Variants in HYAL4 observed in about 807,000 individuals in gnomAD.
HYAL4 encodes hyaluronidase 4.
In HYAL4, 37 loss-of-function variants were observed where a neutral mutation model predicts 35.2. That is an observed-to-expected ratio of 1.05 (90% confidence interval 0.81 to 1.38). The LOEUF is 1.38. HYAL4 is among the 40% of genes most tolerant of loss of function. The pLI, the probability that HYAL4 is intolerant of heterozygous loss-of-function variation, is 0.00. For missense variants in HYAL4, 572 were observed against 572.4 expected (o/e 1.00, Z 0.01); for synonymous variants, 198 against 203.2 (o/e 0.97, Z 0.22).
At position 123,838,026 on chromosome 7, in the gene HYAL4, A is replaced by C. The variant is rs562801308; in HGVS notation, c.-256-6219A>C. Among the ~76,000 whole-genome samples, 10 of 152,258 alleles carry C rather than the reference A, an allele frequency of 6.6e-5. No homozygotes were observed. The South Asian group carries it at 2.1e-3, about 32-fold the overall frequency. On this transcript the variant is annotated intron_variant, in intron 1 of 4. Coordinates refer to the HYAL4 transcript ENST00000489978. ...CAGCATGATTTATAATCCTTTGGGTATACACCCAGTAATGGGATTGCTGGG... is the reference window on the plus strand; with the variant it reads ...CAGCATGATTTATAATCCTTTGGGTCTACACCCAGTAATGGGATTGCTGGG...
At chr7:123,844,680 G>A (rs1039144150), upstream of HYAL4, among the ~76,000 whole-genome samples, 1 of 152,162 alleles carries the variant, frequency 6.6e-6, no homozygotes, top group African/African-American at 2.4e-5. Flanking sequence ...GCTGTGGTGG[G>A]CTCCACCCAG....
chr7:123,864,734 GA>G (rs1806648177), intron 2 of HYAL4, among the ~76,000 whole-genome samples: 1 of 151,538 alleles, frequency 6.6e-6, no homozygotes, highest in African/African-American at 2.4e-5. Flanking sequence ...AAGGACAAGA[GA>G]AACAGAGATT....
chr7:123,830,009 A>G lies in HYAL4; in HGVS notation c.-257+885A>G, dbSNP rs552619237. On this transcript the variant is annotated intron_variant, in intron 1 of 4. Coordinates refer to the HYAL4 transcript ENST00000489978. ...TCTTGAAGGCAGGAGCAGGTCACAA[A>G]TAGATCCGAGGAAATGCATTCTTGG... Among the ~76,000 whole-genome samples the G allele has an allele frequency of 3.3e-5, 5 of 152,316 alleles. No homozygotes were observed. The East Asian group carries it at 9.6e-4, about 29-fold the overall frequency.
chr7:123,775,651 GC>G, the HYAL4 span, among the ~76,000 whole-genome samples: 1 of 152,078 alleles, frequency 6.6e-6, no homozygotes, highest in Admixed American at 6.5e-5. Flanking sequence ...ACTTGATGTA[GC>G]CTTCTTCATT....
the HYAL4 span, among the ~76,000 whole-genome samples, chr7:123,816,257 G>A: frequency 1.3e-5 from 2 of 152,172 alleles, no homozygotes; most frequent in Admixed American, 1.3e-4. Context: ...GTGCAACATA[G>A]AATACAGCAA....
the HYAL4 span, among the ~76,000 whole-genome samples, chr7:123,764,316 T>C: frequency 6.6e-6 from 1 of 152,182 alleles, no homozygotes; most frequent in Non-Finnish European, 1.5e-5. Flanking sequence ...CAAGAAGCCT[T>C]CTCTGAATTT....
chr7:123,778,660 A>G, the HYAL4 span, among the ~76,000 whole-genome samples: 16 of 152,236 alleles, frequency 1.1e-4, no homozygotes, highest in Middle Eastern at 3.4e-3. Flanking sequence ...CGGGCGCCAC[A>G]TCAAGAGCAC....
At chr7:123,763,721 G>C in the HYAL4 span, among the ~76,000 whole-genome samples, 1 of 152,234 alleles carries the variant, frequency 6.6e-6, no homozygotes. Context: ...CTGCCAGCAT[G>C]CTGTCACCTC....
At chr7:123,841,508 G>A (rs1806058553), upstream of HYAL4, among the ~76,000 whole-genome samples, 3 of 151,992 alleles carry the variant, frequency 2.0e-5, no homozygotes, top group Admixed American at 2.0e-4. Context: ...TGGCCTCATA[G>A]AATGAGTTAG....
chr7:123,795,620 A>AGGAT, the HYAL4 span, among the ~76,000 whole-genome samples: 1 of 152,208 alleles, frequency 6.6e-6, no homozygotes, highest in African/African-American at 2.4e-5. Flanking sequence ...CCTGTGAAGA[A>AGGAT]GGATGTGTTT....
chr7:123,876,817 A>C lies in HYAL4; in HGVS notation c.1108A>C (p.Thr370Pro), dbSNP rs763679727. 13 of 1,614,176 alleles carry C rather than the reference A, an allele frequency of 8.1e-6. 1 individual carries two copies. In the South Asian group the frequency reaches 1.3e-4, roughly 16 times the overall value. ...SDLGSYIANVTRAAEVCSLHL... is the reference protein window; with the variant it reads ...SDLGSYIANVPRAAEVCSLHL... ...TTTAGGGAGCTACATAGCCAATGTG[A>C]CCAGAGCTGCTGAGGTATGCAGCCT... The change falls in exon 5 of 5, where the codon ACC becomes CCC. Residue 370 changes from threonine to proline, a missense_variant. Physicochemically the swap from Thr to Pro is conservative, Grantham distance 38 (BLOSUM62 -1). Coordinates refer to ENST00000223026, the MANE Select transcript of HYAL4 (RefSeq NM_012269.3).
At chr7:123,781,908 T>C in the HYAL4 span, among the ~76,000 whole-genome samples, 2 of 152,150 alleles carry the variant, frequency 1.3e-5, no homozygotes, top group African/African-American at 4.8e-5. Context: ...GTAATTCCTT[T>C]ATGAAGCTTT....
chr7:123,775,400 T>C, the HYAL4 span, among the ~76,000 whole-genome samples: 1 of 151,758 alleles, frequency 6.6e-6, no homozygotes, highest in Non-Finnish European at 1.5e-5. Context: ...TGGCACTCCA[T>C]ACTGGGAGAC....
chr7:123,834,853 T>C (rs952719341), intron 1 of HYAL4, among the ~76,000 whole-genome samples: 1 of 152,174 alleles, frequency 6.6e-6, no homozygotes, highest in African/African-American at 2.4e-5. Context: ...GATTTTTGTT[T>C]TTAATTCTGT....
intron 1 of HYAL4, among the ~76,000 whole-genome samples, chr7:123,838,982 GTT>G (rs36011153): frequency 6.7e-6 from 1 of 149,390 alleles, no homozygotes. Context: ...AGTTTCAATA[GTT>G]TTTTTTTTAA....
the HYAL4 span, among the ~76,000 whole-genome samples, chr7:123,815,238 A>C: frequency 1.3e-5 from 2 of 152,202 alleles, no homozygotes; most frequent in African/African-American, 2.4e-5. Context: ...ACACTTTTGG[A>C]TAATGATTCT....
At position 123,874,489 on chromosome 7, in the gene HYAL4, C is replaced by G. The variant is rs576330141; in HGVS notation, c.955-272C>G. On this transcript the variant is annotated intron_variant, in intron 3 of 4. Transcript: ENST00000223026. ...TGCGATCTCGGCTCACTGCAACCTC[C>G]GTCTCCTGGGTTCAAATGATTCTCC... Among the ~76,000 whole-genome samples the G allele has an allele frequency of 2.0e-5, 3 of 152,086 alleles. 1 individual carries two copies. The South Asian group carries it at 6.2e-4, about 32-fold the overall frequency.
At chr7:123,816,607 CT>C in the HYAL4 span, among the ~76,000 whole-genome samples, 3 of 152,014 alleles carry the variant, frequency 2.0e-5, no homozygotes, top group African/African-American at 7.2e-5. Context: ...TACTATTGGA[CT>C]TTTTAATCTT....
chr7:123,850,810 A>G (rs1374909301), intron 2 of HYAL4, among the ~76,000 whole-genome samples: 3 of 152,190 alleles, frequency 2.0e-5, no homozygotes, highest in Non-Finnish European at 4.4e-5. Context: ...TGCCTTTGTC[A>G]AGAGAATTCC....
Sources: gnomAD v4.1 joint callset for allele counts (sites outside exome capture counted in the v4.1 genomes callset) on GRCh38, gnomAD v4.1.1 for gene constraint, MANE v1.5 for transcripts, NCBI Gene and HGNC (gene_info 2026-07-23, HGNC 2026-07-21) for gene names.